Variants in NFIA observed in about 807,000 individuals in gnomAD.
NFIA encodes the protein nuclear factor 1 A-type.
A neutral mutation model predicts 62.8 loss-of-function variants in NFIA; 8 were observed. The ratio of observed to expected loss-of-function variants is 0.13; its 90% confidence interval spans 0.07 to 0.23. The LOEUF is 0.23. Ranked by LOEUF, NFIA falls within the 10% of genes least tolerant of loss-of-function variation. The pLI, the probability that NFIA is intolerant of heterozygous loss-of-function variation, is 1.00. For missense variants in NFIA, 410 were observed against 642.1 expected, an observed-to-expected ratio of 0.64 and a Z score of 3.91; for synonymous variants, 235 against 238.1, an observed-to-expected ratio of 0.99 and a Z score of 0.12.
At chr1:61,349,987 C>G (rs1662462846) in intron 4 of NFIA, among the ~76,000 whole-genome samples, 1 of 152,124 alleles carries the variant, frequency 6.6e-6, no homozygotes, top group South Asian at 2.1e-4. Context: ...CCCCACTATA[C>G]CTTGCATAAA....
chr1:61,420,229 C>A (rs1666544073), intron 9 of NFIA, among the ~76,000 whole-genome samples: 1 of 152,196 alleles, frequency 6.6e-6, no homozygotes, highest in African/African-American at 2.4e-5. Flanking sequence ...CCAATACTTT[C>A]TAGCATTTCT....
In NFIA at chr1:61,285,752, A is replaced by G. The variant is rs575665349; in HGVS notation, c.625+8167A>G. Among the ~76,000 whole-genome samples, 5 of 152,318 alleles carry G rather than the reference A, an allele frequency of 3.3e-5. 1 individual carries two copies. The highest frequency in any genetic ancestry group is 2.1e-4 in the South Asian group (1 of 4,828). On this transcript the variant is annotated intron_variant, in intron 3 of 10. Coordinates refer to ENST00000403491, the MANE Select transcript of NFIA (RefSeq NM_001134673.4). ...TCTATACTTGGTTGATTTTAACCCA[A>G]AGGGAACCAGGGAGTCTCATATGGC...
chr1:61,229,440 C>T (rs1456601698), intron 2 of NFIA, among the ~76,000 whole-genome samples: 1 of 152,114 alleles, frequency 6.6e-6, no homozygotes, highest in African/African-American at 2.4e-5. Flanking sequence ...TCCAAAACAT[C>T]ATTGTTGCTC....
chr1:61,127,752 TA>T (rs35787193), intron 2 of NFIA, among the ~76,000 whole-genome samples: 15 of 151,440 alleles, frequency 9.9e-5, no homozygotes, highest in South Asian at 2.1e-4. Context: ...ACAGGCCTTT[TA>T]AAAAAAAAGT....
rs575733248 is a variant in NFIA, at chr1:61,117,974, A to G, written c.559+29294A>G. 3.3e-5 allele frequency among the ~76,000 whole-genome samples: 5 copies of G among 152,204 alleles called. No homozygotes were observed. In the South Asian group the frequency reaches 8.3e-4, roughly 25 times the overall value. On this transcript the variant is annotated intron_variant, in intron 2 of 10. Transcript: ENST00000403491. ...TGAGGCAGGTGGATTGCCTGAGATC[A>G]GGAGTCCAAGACCAGCCTGGCCAAC...
intron 2 of NFIA, among the ~76,000 whole-genome samples, chr1:61,219,962 A>T (rs1357397521): frequency 1.3e-5 from 2 of 151,378 alleles, no homozygotes; most frequent in African/African-American, 4.9e-5. Context: ...ACTCCGTCTC[A>T]AAATAAATAA....
intron 6 of NFIA, among the ~76,000 whole-genome samples, chr1:61,368,797 T>C (rs72913873): frequency 0.021 from 3,195 of 152,352 alleles, 140 homozygotes; most frequent in African/African-American, 0.073. Context: ...GAATTTAAGA[T>C]ACTGTGAAAT....
intron 2 of NFIA, among the ~76,000 whole-genome samples, chr1:61,249,287 T>C (rs56251671): frequency 0.01 from 1,573 of 152,326 alleles, 25 homozygotes; most frequent in African/African-American, 0.035. Context: ...TGGTAAACAT[T>C]GATTTTTTTC....
chr1:61,207,160 A>T (rs1489526310), intron 2 of NFIA, among the ~76,000 whole-genome samples: 1 of 152,170 alleles, frequency 6.6e-6, no homozygotes, highest in Admixed American at 6.5e-5. Context: ...AGAAAATTAG[A>T]TGAGAAGATT....
rs1657981340 is a variant in NFIA at position 61,279,042 on chromosome 1, A to AT, written c.625+1462dup. Reference sequence around the variant, plus strand: ...GCTGTGGTTCATTATGACTTTTATTATTTTTCTTGTCAATATAATTCTGTC... The same window carrying AT: ...GCTGTGGTTCATTATGACTTTTATTATTTTTTCTTGTCAATATAATTCTGTC... On this transcript the variant is annotated intron_variant, in intron 3 of 10. Coordinates refer to ENST00000403491, the MANE Select transcript of NFIA (RefSeq NM_001134673.4). Among the ~76,000 whole-genome samples the AT allele has an allele frequency of 3.9e-5, 6 of 152,038 alleles. No homozygotes were observed. In the South Asian group the frequency reaches 1.2e-3, roughly 32 times the overall value.
In NFIA at chr1:61,151,273, G is replaced by A. The variant is rs151063834; in HGVS notation, c.559+62593G>A. Reference sequence around the variant, plus strand: ...TGCCCAGGCTGGAGTCCAGTGGCACGATCTCAGCTCACTGCAACCTCTGCC... The same window carrying A: ...TGCCCAGGCTGGAGTCCAGTGGCACAATCTCAGCTCACTGCAACCTCTGCC... On this transcript the variant is annotated intron_variant, in intron 2 of 10. Coordinates refer to ENST00000403491, the MANE Select transcript of NFIA (RefSeq NM_001134673.4). Among the ~76,000 whole-genome samples the A allele has an allele frequency of 4.2e-3, 646 of 152,068 alleles. 11 individuals carry two copies. In the East Asian group the frequency reaches 0.054, roughly 13 times the overall value.
intron 10 of NFIA, among the ~76,000 whole-genome samples, chr1:61,442,634 G>A (rs1028007039): frequency 6.7e-6 from 1 of 150,308 alleles, no homozygotes; most frequent in African/African-American, 2.4e-5. Context: ...TTATTGGCAG[G>A]GGTCCAAAGG....
At chr1:61,193,756 T>G (rs76298915) in intron 2 of NFIA, among the ~76,000 whole-genome samples, 1 of 152,236 alleles carries the variant, frequency 6.6e-6, no homozygotes, top group Non-Finnish European at 1.5e-5. Context: ...TTAATGCATT[T>G]ACTTTATAAT....
intron 2 of NFIA, among the ~76,000 whole-genome samples, chr1:61,209,035 C>T (rs1347350665): frequency 6.6e-6 from 1 of 152,112 alleles, no homozygotes; most frequent in African/African-American, 2.4e-5. Flanking sequence ...GATGAATTTC[C>T]TGCTGTACTG....
intron 9 of NFIA, among the ~76,000 whole-genome samples, chr1:61,414,798 G>A (rs1290282528): frequency 6.6e-6 from 1 of 151,848 alleles, no homozygotes; most frequent in African/African-American, 2.4e-5. Flanking sequence ...CATTAGTGAC[G>A]CCTGGACTAT....
At chr1:61,285,087 G>A (rs1334689383) in intron 3 of NFIA, among the ~76,000 whole-genome samples, 3 of 152,170 alleles carry the variant, frequency 2.0e-5, no homozygotes, top group Non-Finnish European at 4.4e-5. Flanking sequence ...ATGAGGAGCC[G>A]TCATCAAATC....
intron 4 of NFIA, among the ~76,000 whole-genome samples, chr1:61,350,875 C>T (rs1335208684): frequency 6.6e-6 from 1 of 152,196 alleles, no homozygotes; most frequent in Non-Finnish European, 1.5e-5. Context: ...TGAGGCCATT[C>T]CCTTGAACTT....
At chr1:61,153,867 TC>T (rs1195505625) in intron 2 of NFIA, among the ~76,000 whole-genome samples, 3 of 152,216 alleles carry the variant, frequency 2.0e-5, no homozygotes, top group African/African-American at 7.2e-5. Flanking sequence ...TAGAGAGGGC[TC>T]TACAAAACCT....
intron 2 of NFIA, among the ~76,000 whole-genome samples, chr1:61,171,105 A>G (rs1011917942): frequency 2.3e-4 from 35 of 152,212 alleles, no homozygotes; most frequent in African/African-American, 8.0e-4. Context: ...CAGATTGGCT[A>G]TGTAACCTTG....
Sources: gnomAD v4.1 joint callset for allele counts (sites outside exome capture counted in the v4.1 genomes callset) on GRCh38, gnomAD v4.1.1 for gene constraint, MANE v1.5 for transcripts, NCBI Gene and HGNC (gene_info 2026-07-23, HGNC 2026-07-21) for gene names.